MSRB3: variants seen among roughly 807,000 people sequenced by gnomAD.
MSRB3 encodes methionine-R-sulfoxide reductase B3.
A neutral mutation model predicts 21.0 loss-of-function variants in MSRB3; 13 were observed. That is an observed-to-expected ratio of 0.62 (90% CI 0.40 to 0.98). The LOEUF is 0.98. MSRB3 is among the 50% of genes least tolerant of loss of function. MSRB3 has a pLI of 0.00. For synonymous variants in MSRB3, 87 were observed against 88.6 expected, an observed-to-expected ratio of 0.98 and a Z score of 0.10; for missense variants, 199 against 230.3, an observed-to-expected ratio of 0.86 and a Z score of 0.88.
In MSRB3 at chr12:65,371,508, C is replaced by A. The variant is rs185954424; in HGVS notation, c.292+2482C>A. Among the ~76,000 whole-genome samples the A allele has an allele frequency of 9.2e-3, 1,385 of 150,988 alleles. 17 individuals are homozygous for A. The highest frequency in any genetic ancestry group is 0.035 in the South Asian group (168 of 4,766). ...GCCAATCTTACTAGGAAAAACAAAA[C>A]CATAAAAAATAAATACTATGGTCAG... is the stretch of plus-strand genomic sequence containing the variant. On this transcript the variant is annotated intron_variant, in intron 5 of 6. Transcript: ENST00000308259.
chr12:65,375,596 C>T (rs539043084), intron 5 of MSRB3, among the ~76,000 whole-genome samples: 16 of 151,920 alleles, frequency 1.1e-4, no homozygotes, highest in Admixed American at 5.9e-4. Context: ...ACCACCATGC[C>T]GGGCCAATTT....
intron 5 of MSRB3, among the ~76,000 whole-genome samples, chr12:65,413,808 A>G (rs1880835601): frequency 6.6e-6 from 1 of 152,086 alleles, no homozygotes; most frequent in Non-Finnish European, 1.5e-5. Flanking sequence ...AGTAAGGGGG[A>G]TTGGGAATGC....
intron 5 of MSRB3, among the ~76,000 whole-genome samples, chr12:65,373,092 A>G (rs1161368029): frequency 6.6e-6 from 1 of 152,216 alleles, no homozygotes; most frequent in Non-Finnish European, 1.5e-5. Context: ...GATGGAAGAA[A>G]AAGTGAAGGA....
chr12:65,466,807 A>G lies in MSRB3; in HGVS notation c.*3485A>G, dbSNP rs1409082057. On this transcript the variant is annotated 3_prime_UTR_variant, in exon 7 of 7. Transcript: ENST00000308259. ...GCTTTGTAATAATTTTTCTCCAGAC[A>G]GTTCAACACTTTTGAAAAATGACAT... is the stretch of plus-strand genomic sequence containing the variant. The G allele has an allele frequency of 2.0e-5, 3 of 152,258 alleles. No individual in the cohort carries two copies. The highest frequency in any genetic ancestry group is 4.4e-5 in the Non-Finnish European group (3 of 68,040). The allele number at this position is 152,258 out of a possible 1,614,324, so 9.4% of individuals were successfully genotyped here.
intron 1 of MSRB3, chr12:65,284,308 G>A (rs888975226): frequency 1.3e-5 from 2 of 152,226 alleles, no homozygotes; most frequent in African/African-American, 4.8e-5. Context: ...CAATAAAGAA[G>A]TGTTTTGAGA....
At chr12:65,332,600 C>G (rs985558429) in intron 4 of MSRB3, among the ~76,000 whole-genome samples, 2 of 152,012 alleles carry the variant, frequency 1.3e-5, no homozygotes, top group African/African-American at 4.8e-5. Context: ...CAAACCTGCA[C>G]GTTGTGCACA....
intron 4 of MSRB3, among the ~76,000 whole-genome samples, chr12:65,346,804 G>A (rs904792811): frequency 6.6e-6 from 1 of 152,086 alleles, no homozygotes; most frequent in Non-Finnish European, 1.5e-5. Context: ...TTCTACATAT[G>A]GCTAGCCAGT....
intron 4 of MSRB3, among the ~76,000 whole-genome samples, chr12:65,365,536 T>TA (rs1311598764): frequency 6.6e-6 from 1 of 152,120 alleles, no homozygotes; most frequent in Non-Finnish European, 1.5e-5. Flanking sequence ...AGTGGGCACT[T>TA]AATGTCGCCA....
At position 65,328,977 on chromosome 12, in the gene MSRB3, T is replaced by C. The variant is rs576864932; in HGVS notation, c.263+374T>C. ...GGAACATAATGAAAAGTTCTTCATG[T>C]ATATACTTCACATTGAATAAAATCC... On this transcript the variant is annotated intron_variant, in intron 4 of 6. Transcript: ENST00000308259. 2.6e-5 allele frequency among the ~76,000 whole-genome samples: 4 copies of C among 152,372 alleles called. No homozygotes were observed. The South Asian group carries it at 6.2e-4, about 24-fold the overall frequency.
At chr12:65,395,823 G>A (rs978693002) in intron 5 of MSRB3, among the ~76,000 whole-genome samples, 2 of 152,074 alleles carry the variant, frequency 1.3e-5, no homozygotes, top group African/African-American at 4.8e-5. Context: ...CTCTTATCCT[G>A]TTAATGTCCA....
chr12:65,446,249 G>A (rs547821413), intron 5 of MSRB3, among the ~76,000 whole-genome samples: 4 of 152,296 alleles, frequency 2.6e-5, no homozygotes, highest in Admixed American at 6.5e-5. Flanking sequence ...CACTTAAGTA[G>A]GCAATGAAGA....
chr12:65,412,114 T>C (rs1164640505), intron 5 of MSRB3, among the ~76,000 whole-genome samples: 1 of 152,200 alleles, frequency 6.6e-6, no homozygotes, highest in Non-Finnish European at 1.5e-5. Context: ...ATTTTAACTT[T>C]ATTTTTAATT....
chr12:65,454,336 G>A (rs1161580917), intron 6 of MSRB3: 3 of 148,330 alleles, frequency 2.0e-5, no homozygotes, highest in African/African-American at 5.0e-5. Flanking sequence ...TAAATAAAAT[G>A]TCAGTTATTG....
intron 4 of MSRB3, among the ~76,000 whole-genome samples, chr12:65,345,552 G>T (rs1262369208): frequency 1.3e-5 from 2 of 151,926 alleles, no homozygotes; most frequent in African/African-American, 4.8e-5. Context: ...AACACACGTA[G>T]GAAATGCTAA....
chr12:65,385,066 C>T (rs1879138939), intron 5 of MSRB3, among the ~76,000 whole-genome samples: 1 of 152,066 alleles, frequency 6.6e-6, no homozygotes, highest in African/African-American at 2.4e-5. Context: ...TCATTTTTCT[C>T]CTTCACTGAG....
At chr12:65,326,805 C>T in intron 2 of MSRB3, 21 bp from the exon 3 acceptor site, 2 of 1,593,894 alleles carry the variant, frequency 1.3e-6, no homozygotes, top group South Asian at 1.1e-5. Context: ...GCTTCTTCTC[C>T]CATATCCTCT....
chr12:65,290,933 T>C (rs1196536172), intron 1 of MSRB3, among the ~76,000 whole-genome samples: 3 of 152,204 alleles, frequency 2.0e-5, no homozygotes, highest in Non-Finnish European at 4.4e-5. Context: ...TTGATAGTGA[T>C]TGGAAACTAC....
chr12:65,284,335 G>A (rs1239688843), intron 1 of MSRB3: 1 of 152,224 alleles, frequency 6.6e-6, no homozygotes. Flanking sequence ...CTTAAGGAAT[G>A]AAGACCTAAC....
intron 5 of MSRB3, 125 bp from the exon 6 acceptor site, chr12:65,453,603 G>A: frequency 1.3e-6 from 1 of 772,250 alleles, no homozygotes; most frequent in Non-Finnish European, 2.3e-6. Context: ...TCTTTTTTCA[G>A]GTTGAAAAGT....
Sources: gnomAD v4.1 joint callset for allele counts (sites outside exome capture counted in the v4.1 genomes callset) on GRCh38, gnomAD v4.1.1 for gene constraint, MANE v1.5 for transcripts, NCBI Gene and HGNC (gene_info 2026-07-23, HGNC 2026-07-21) for gene names.